The following MED12L variants were observed in gnomAD, a reference collection of about 807,000 sequenced individuals.
The protein encoded by MED12L is mediator complex subunit 12L, also known as mediator of RNA polymerase II transcription subunit 12-like protein.
A neutral mutation model predicts 281.3 loss-of-function variants in MED12L; 60 were observed. That is an observed-to-expected ratio of 0.21 (90% CI 0.17 to 0.26). MED12L has a LOEUF of 0.26. Ranked by LOEUF, MED12L falls within the 10% of genes least tolerant of loss-of-function variation. MED12L has a pLI of 1.00. For missense variants in MED12L, 2,146 were observed against 2,680.9 expected, an observed-to-expected ratio of 0.80 and a Z score of 4.41; for synonymous variants, 974 against 987.2, an observed-to-expected ratio of 0.99 and a Z score of 0.25.
chr3:151,213,063 A>G (rs1156429097), intron 16 of MED12L: 1 of 282,046 alleles, frequency 3.5e-6, no homozygotes, highest in African/African-American at 2.2e-5. Flanking sequence ...AATTGTATGT[A>G]TTAATTTTTT....
intron 12 of MED12L, among the ~76,000 whole-genome samples, chr3:151,186,254 T>A (rs1364554297): frequency 1.3e-5 from 2 of 152,198 alleles, no homozygotes; most frequent in Non-Finnish European, 2.9e-5. Flanking sequence ...CTATGGGGAA[T>A]GTGTGTATAT....
At chr3:151,113,356 G>A (rs1287501050) in intron 2 of MED12L, among the ~76,000 whole-genome samples, 1 of 152,182 alleles carries the variant, frequency 6.6e-6, no homozygotes, top group East Asian at 1.9e-4. Context: ...AGTGTGGTTA[G>A]GGATGAGACC....
At chr3:151,216,966 C>T (rs980032909) in intron 16 of MED12L, among the ~76,000 whole-genome samples, 9 of 152,120 alleles carry the variant, frequency 5.9e-5, no homozygotes, top group Non-Finnish European at 8.8e-5. Context: ...GTTTCCCAGT[C>T]CTAAGCCACA....
At chr3:151,285,772 GC>G (rs1743414401) in intron 16 of MED12L, among the ~76,000 whole-genome samples, 1 of 152,120 alleles carries the variant, frequency 6.6e-6, no homozygotes, top group South Asian at 2.1e-4. Context: ...AGGTGACTAG[GC>G]CATGAGGGTA....
At chr3:151,327,746 A>AAG (rs1749811895) in intron 16 of MED12L, 8 of 319,070 alleles carry the variant, frequency 2.5e-5, no homozygotes, top group Non-Finnish European at 3.4e-5. Context: ...AAAAAAAAAA[A>AAG]AAAGAAAGAA....
intron 3 of MED12L, among the ~76,000 whole-genome samples, chr3:151,116,913 C>T (rs149322186): frequency 6.6e-6 from 1 of 152,208 alleles, no homozygotes; most frequent in Non-Finnish European, 1.5e-5. Context: ...CTACCATCTC[C>T]CTGCATTGGA....
intron 25 of MED12L, among the ~76,000 whole-genome samples, chr3:151,368,918 T>C (rs1383596938): frequency 6.6e-6 from 1 of 151,744 alleles, no homozygotes; most frequent in East Asian, 1.9e-4. Context: ...TGCACCACCA[T>C]GCCTGGCAAA....
At chr3:151,424,403 G>A (rs781455836) in intron 43 of MED12L, among the ~76,000 whole-genome samples, 1 of 152,086 alleles carries the variant, frequency 6.6e-6, no homozygotes, top group African/African-American at 2.4e-5. Context: ...GGTGGATCAC[G>A]AGGTCAGGAG....
chr3:151,265,229 A>C (rs916564896), intron 16 of MED12L, among the ~76,000 whole-genome samples: 13 of 152,218 alleles, frequency 8.5e-5, no homozygotes, highest in African/African-American at 3.1e-4. Context: ...CTACTCATAG[A>C]ATATAATGTA....
At chr3:151,287,812 GTATATC>G (rs1201225969) in intron 16 of MED12L, among the ~76,000 whole-genome samples, 1 of 152,198 alleles carries the variant, frequency 6.6e-6, no homozygotes, top group African/African-American at 2.4e-5. Flanking sequence ...TCTATGGGAA[GTATATC>G]TATATATCTA....
chr3:151,349,910 C>T, intron 16 of MED12L, 149 bp from the exon 17 acceptor site: 1 of 529,970 alleles, frequency 1.9e-6, no homozygotes, highest in Non-Finnish European at 3.2e-6. Flanking sequence ...AAGGGTGTTG[C>T]CAGTGGAGGT....
At chr3:151,169,789 C>G (rs938940478) in intron 11 of MED12L, among the ~76,000 whole-genome samples, 4 of 151,612 alleles carry the variant, frequency 2.6e-5, no homozygotes, top group East Asian at 3.9e-4. Context: ...TTTTTGTTTT[C>G]ATAATTCATT....
intron 2 of MED12L, among the ~76,000 whole-genome samples, chr3:151,115,989 G>C (rs562304176): frequency 6.8e-6 from 1 of 147,272 alleles, no homozygotes; most frequent in Non-Finnish European, 1.5e-5. Context: ...GCTTGAACCC[G>C]AGAGGTGGAG....
chr3:151,097,400 TGA>T (rs1720853164), intron 2 of MED12L, among the ~76,000 whole-genome samples: 1 of 152,220 alleles, frequency 6.6e-6, no homozygotes, highest in South Asian at 2.1e-4. Context: ...ATTCAGCAAA[TGA>T]CTGAGCACCT....
At chr3:151,230,837 C>T (rs1351795573) in intron 16 of MED12L, among the ~76,000 whole-genome samples, 1 of 152,166 alleles carries the variant, frequency 6.6e-6, no homozygotes, top group African/African-American at 2.4e-5. Flanking sequence ...GTAGTGACTT[C>T]CCACTGTCAG....
chr3:151,187,688 G>A lies in MED12L; in HGVS notation c.1627-666G>A, dbSNP rs1421589400. On this transcript the variant is annotated intron_variant, in intron 12 of 44. Transcript: ENST00000687756. ...CTTCCCTAGAGGTACTTCATGAACT[G>A]TGGACATTCCCAGAGGTTCTGAGAG... Among the ~76,000 whole-genome samples the A allele has an allele frequency of 2.6e-5, 4 of 152,220 alleles. No individual in the cohort carries two copies. In the East Asian group the frequency reaches 7.7e-4, roughly 29 times the overall value.
chr3:151,193,965 CTTTTTTTTTT>C (rs34461662), intron 16 of MED12L, among the ~76,000 whole-genome samples: 1 of 123,510 alleles, frequency 8.1e-6, no homozygotes, highest in South Asian at 2.5e-4. Context: ...TTTTTCTTTT[CTTTTTTTTTT>C]TTTTTTTGAG....
Position 151,213,432 on chromosome 3 carries a change from A to G in MED12L, c.2250+19766A>G, listed in dbSNP as rs528794736. On this transcript the variant is annotated intron_variant, in intron 16 of 44. Coordinates refer to ENST00000687756, the MANE Select transcript of MED12L (RefSeq NM_001393769.1). The stretch of plus-strand genomic sequence containing the variant: ...CCCTAAACGGCTGGCATAGAAAGAA[A>G]TAAATAATAGGGTCCAAGCATACAT... 3 of 1,614,212 alleles carry G rather than the reference A, an allele frequency of 1.9e-6. No homozygotes were observed. The African/African-American group carries it at 4.0e-5, about 22-fold the overall frequency.
At chr3:151,365,703 A>G in intron 22 of MED12L, 147 bp from the exon 23 acceptor site, 1 of 695,652 alleles carries the variant, frequency 1.4e-6, no homozygotes, top group Non-Finnish European at 2.2e-6. Flanking sequence ...GGTTCTACTA[A>G]GTTATTTGAC....
Sources: gnomAD v4.1 joint callset for allele counts (sites outside exome capture counted in the v4.1 genomes callset) on GRCh38, gnomAD v4.1.1 for gene constraint, MANE v1.5 for transcripts, NCBI Gene and HGNC (gene_info 2026-07-23, HGNC 2026-07-21) for gene names.